Variants in FRMPD3 observed in about 807,000 individuals in gnomAD.
The protein encoded by FRMPD3 is FERM and PDZ domain containing 3.
Under a neutral mutation model 97.9 loss-of-function variants are expected in FRMPD3, and 42 were observed. The ratio of observed to expected loss-of-function variants is 0.43; its 90% CI spans 0.34 to 0.55. The LOEUF (loss-of-function observed/expected upper bound fraction) is 0.55, where lower values mean the gene tolerates loss of function less well. Ranked by LOEUF, FRMPD3 falls within the 20% of genes least tolerant of loss-of-function variation. FRMPD3 has a pLI of 0.03. For synonymous variants in FRMPD3, 577 were observed against 581.1 expected (o/e 0.99, Z 0.10); for missense variants, 1,303 against 1,457.7 (o/e 0.89, Z 1.73).
chrX:107,532,529 T>G (rs1238686634), intron 3 of FRMPD3, among the ~76,000 whole-genome samples: 1 of 112,597 alleles, frequency 8.9e-6, no homozygotes, highest in Non-Finnish European at 1.9e-5. Flanking sequence ...ATCCAACTTA[T>G]GTTATGCCCC....
chrX:107,572,908 C>CTACTAATAA lies in FRMPD3; in HGVS notation c.1297-3405_1297-3404insCTAATAATA, dbSNP rs796610991. 4.5e-3 allele frequency among the ~76,000 whole-genome samples: 456 copies of CTACTAATAA among 100,971 alleles called. 4 individuals are homozygous for CTACTAATAA. The highest frequency in any genetic ancestry group is 0.016 in the African/African-American group (429 of 26,739). The allele number at this position is 100,971 out of a possible 115,157, so 87.7% of individuals were successfully genotyped here. On this transcript the variant is annotated intron_variant, in intron 12 of 14. Transcript: ENST00000683843. ...ACTACTACTACTACTACTACTACTA[C>CTACTAATAA]TAATAATAATAATAATAATAAAGTA...
intron 13 of FRMPD3, among the ~76,000 whole-genome samples, chrX:107,586,415 T>C (rs1203104923): frequency 1.8e-5 from 2 of 110,312 alleles, no homozygotes; most frequent in Non-Finnish European, 3.8e-5. Flanking sequence ...ATTTTTTTTT[T>C]TTTGGAGTGT....
At chrX:107,572,879 C>CACT (rs35706267) in intron 12 of FRMPD3, among the ~76,000 whole-genome samples, 1,569 of 99,466 alleles carry the variant, frequency 0.016, 19 homozygotes, top group Non-Finnish European at 0.021. Context: ...ACCACATCTC[C>CACT]ACTACTACTA....
chrX:107,522,399 G>C (rs1311725051), intron 1 of FRMPD3: 1 of 557,327 alleles, frequency 1.8e-6, no homozygotes, highest in Non-Finnish European at 3.2e-6. Flanking sequence ...GAGCATACAG[G>C]CTGGGCTAGG....
At chrX:107,460,308 A>G (rs1036459982) in intron 1 of FRMPD3, among the ~76,000 whole-genome samples, 22 of 110,912 alleles carry the variant, frequency 2.0e-4, no homozygotes, top group Non-Finnish European at 3.4e-4. Context: ...TGGTTTATAC[A>G]TTTCTTCCTT....
intron 4 of FRMPD3, among the ~76,000 whole-genome samples, chrX:107,535,504 T>C (rs1430535685): frequency 9.2e-6 from 1 of 108,934 alleles, no homozygotes; most frequent in African/African-American, 3.4e-5. Flanking sequence ...ATCCTGTCCC[T>C]ACACAAAATA....
chrX:107,598,012 C>T lies in FRMPD3; in HGVS notation c.2133C>T (p.Asp711=). The T allele has an allele frequency of 8.3e-7, 1 of 1,210,696 alleles. No individual in the cohort carries two copies. Among genetic ancestry groups the T allele is most frequent in the Non-Finnish European group, 1.1e-6 (1 of 895,343 alleles). ...LYDEIPVTLI[D]SVQTRTVRDH... is the part of the protein sequence containing the mutation. Reference sequence around the variant, plus strand: ...ATGAGATTCCAGTGACATTGATTGACAGTGTGCAGACCCGGACAGTTCGAG... The same window carrying T: ...ATGAGATTCCAGTGACATTGATTGATAGTGTGCAGACCCGGACAGTTCGAG... The change falls in exon 14 of 15, where the codon GAC becomes GAT. Residue 711 remains aspartate (D), a synonymous_variant. Transcript: ENST00000683843.
At chrX:107,476,895 T>C (rs773827028) in intron 1 of FRMPD3, among the ~76,000 whole-genome samples, 1 of 112,281 alleles carries the variant, frequency 8.9e-6, no homozygotes, top group Admixed American at 9.4e-5. Context: ...GCTGAAGAAG[T>C]TTGTAGTCTC....
chrX:107,603,129 T>G lies in FRMPD3; in HGVS notation c.5090T>G (p.Val1697Gly). Residue 1697 changes from valine to glycine, a missense_variant, in exon 15 of 15, where the codon GTG becomes GGG. Physicochemically the swap from Val to Gly is moderately radical, Grantham distance 109. Transcript: ENST00000683843. ...CTGCTGGCCAAGGTAGAAGAGGTGGTGAGGAACTACACCTTCCTGCTGCGT... is the reference window on the plus strand; with the variant it reads ...CTGCTGGCCAAGGTAGAAGAGGTGGGGAGGAACTACACCTTCCTGCTGCGT... The part of the protein sequence containing the change: ...QELLAKVEEV[V>G]RNYTFLLRAA... 1 of 1,196,007 alleles carries G rather than the reference T, an allele frequency of 8.4e-7. No individual in the cohort carries two copies. The highest frequency in any genetic ancestry group is 1.1e-6 in the Non-Finnish European group (1 of 889,664).
At chrX:107,488,229 T>C (rs1602757966) in intron 1 of FRMPD3, among the ~76,000 whole-genome samples, 2 of 112,086 alleles carry the variant, frequency 1.8e-5, no homozygotes, top group African/African-American at 6.5e-5. Flanking sequence ...TGGTGCCAGC[T>C]GGTAAGATGA....
chrX:107,538,743 CT>C (rs1437537740), intron 4 of FRMPD3, among the ~76,000 whole-genome samples: 1 of 111,297 alleles, frequency 9.0e-6, no homozygotes, highest in African/African-American at 3.3e-5. Context: ...TCACTGCAAC[CT>C]TTACCTCCTG....
chrX:107,560,892 C>T, intron 10 of FRMPD3, 39 bp downstream of exon 10: 4 of 1,156,142 alleles, frequency 3.5e-6, no homozygotes, highest in South Asian at 2.1e-5. Flanking sequence ...GCTCCAGGCA[C>T]TACTGGCCAC....
intron 8 of FRMPD3, among the ~76,000 whole-genome samples, chrX:107,559,107 A>G (rs1922238659): frequency 9.3e-6 from 1 of 107,433 alleles, no homozygotes. Flanking sequence ...AGCTGGGATT[A>G]CAGGCGCCCG....
At chrX:107,557,838 T>G (rs1385202593) in intron 8 of FRMPD3, among the ~76,000 whole-genome samples, 45 of 72,888 alleles carry the variant, frequency 6.2e-4, no homozygotes, top group Non-Finnish European at 9.5e-4. Context: ...TATATATATA[T>G]ATAGATCTAT....
chrX:107,560,110 T>G, intron 8 of FRMPD3, 147 bp from the exon 9 acceptor site: 1 of 653,753 alleles, frequency 1.5e-6, no homozygotes, highest in South Asian at 2.8e-5. Context: ...TGTTGTCTCT[T>G]CTCCAAGGGG....
intron 1 of FRMPD3, among the ~76,000 whole-genome samples, chrX:107,516,876 C>T (rs1159881261): frequency 2.7e-4 from 30 of 111,244 alleles, no homozygotes; most frequent in African/African-American, 7.2e-4. Flanking sequence ...AGCTCTTTAG[C>T]TTAATTAGAT....
At chrX:107,592,907 T>C (rs1923981461) in intron 13 of FRMPD3, among the ~76,000 whole-genome samples, 2 of 106,047 alleles carry the variant, frequency 1.9e-5, no homozygotes, top group South Asian at 8.5e-4. Flanking sequence ...GCCTCTTGAG[T>C]AGCTGGGATT....
At chrX:107,565,921 AC>A (rs1922585009) in intron 12 of FRMPD3, among the ~76,000 whole-genome samples, 1 of 111,350 alleles carries the variant, frequency 9.0e-6, no homozygotes, top group Non-Finnish European at 1.9e-5. Flanking sequence ...AGGGACACGC[AC>A]CTTGAGTCAT....
At chrX:107,460,574 T>C (rs746941278) in intron 1 of FRMPD3, among the ~76,000 whole-genome samples, 9 of 111,084 alleles carry the variant, frequency 8.1e-5, no homozygotes, top group Non-Finnish European at 1.7e-4. Flanking sequence ...TTATGTTTTG[T>C]AGATATGAGC....
Sources: gnomAD v4.1 joint callset for allele counts (sites outside exome capture counted in the v4.1 genomes callset) on GRCh38, gnomAD v4.1.1 for gene constraint, MANE v1.5 for transcripts, NCBI Gene and HGNC (gene_info 2026-07-23, HGNC 2026-07-21) for gene names.